The following PRKD1 variants were observed in gnomAD, a reference collection of about 807,000 sequenced individuals.
The protein encoded by PRKD1 is protein kinase D1.
Under a neutral mutation model 95.9 loss-of-function variants are expected in PRKD1, and 63 were observed. The observed-to-expected ratio is 0.66, with a 90% confidence interval of 0.54 to 0.81. The LOEUF is 0.81. Among genes scored for constraint, PRKD1 ranks in the 30% least tolerant of loss-of-function variants. The probability of loss-of-function intolerance (pLI) is 0.00; values close to 1 mark genes in which losing one functional copy is unlikely to be tolerated. For missense variants in PRKD1, 1,048 were observed against 1,165.3 expected (o/e 0.90, Z 1.47); for synonymous variants, 425 against 423.1 (o/e 1.00, Z -0.05).
chr14:29,636,515 A>AT (rs756301118), intron 6 of PRKD1, 21 bp from the exon 7 acceptor site: 36 of 1,611,914 alleles, frequency 2.2e-5, no homozygotes, highest in Non-Finnish European at 5.9e-6. Context: ...ATTTTCACCC[A>AT]TGAAGATAAG....
intron 1 of PRKD1, among the ~76,000 whole-genome samples, chr14:29,812,859 A>C (rs1469056130): frequency 6.6e-6 from 1 of 152,230 alleles, no homozygotes; most frequent in Admixed American, 6.5e-5. Flanking sequence ...CTGTTATCCC[A>C]GCACTTTGGG....
At chr14:29,872,834 G>T (rs560387065) in intron 1 of PRKD1, among the ~76,000 whole-genome samples, 2 of 152,210 alleles carry the variant, frequency 1.3e-5, no homozygotes, top group South Asian at 2.1e-4. Context: ...GTATTTAGAA[G>T]CTGTTATTTA....
chr14:29,678,207 G>A (rs1032696869), intron 2 of PRKD1, among the ~76,000 whole-genome samples: 2 of 151,930 alleles, frequency 1.3e-5, no homozygotes, highest in East Asian at 3.9e-4. Flanking sequence ...ATCATTAATT[G>A]CATGTAGGCT....
intron 2 of PRKD1, among the ~76,000 whole-genome samples, chr14:29,713,617 TG>T (rs1458517691): frequency 1.1e-4 from 17 of 152,184 alleles, no homozygotes; most frequent in Admixed American, 1.1e-3. Context: ...CCATGTATTT[TG>T]GGAAAATATG....
At chr14:29,607,367 A>G (rs1167471906) in intron 13 of PRKD1, among the ~76,000 whole-genome samples, 2 of 152,202 alleles carry the variant, frequency 1.3e-5, no homozygotes, top group African/African-American at 4.8e-5. Flanking sequence ...TCTGTAGGTC[A>G]GAAGTCTGGT....
intron 16 of PRKD1, among the ~76,000 whole-genome samples, chr14:29,587,811 T>C (rs1269480518): frequency 6.6e-6 from 1 of 152,228 alleles, no homozygotes; most frequent in Non-Finnish European, 1.5e-5. Context: ...CTTCTTATTG[T>C]ATAAAATATT....
chr14:29,892,651 CT>C (rs1893979932), intron 1 of PRKD1, among the ~76,000 whole-genome samples: 1 of 152,180 alleles, frequency 6.6e-6, no homozygotes, highest in Non-Finnish European at 1.5e-5. Context: ...CAGGTACACA[CT>C]GGCTTCAGTG....
At chr14:29,788,436 T>A (rs1351087349) in intron 1 of PRKD1, among the ~76,000 whole-genome samples, 1 of 152,224 alleles carries the variant, frequency 6.6e-6, no homozygotes, top group Non-Finnish European at 1.5e-5. Flanking sequence ...ATTTTTGACC[T>A]TCCTTATCTG....
chr14:29,873,975 C>A (rs991813863), intron 1 of PRKD1, among the ~76,000 whole-genome samples: 48 of 152,210 alleles, frequency 3.2e-4, no homozygotes, highest in African/African-American at 1.1e-3. Flanking sequence ...ATTCACAGAT[C>A]AAATCTATGT....
At chr14:29,629,668 T>A (rs1217860195) in intron 10 of PRKD1, among the ~76,000 whole-genome samples, 1 of 152,162 alleles carries the variant, frequency 6.6e-6, no homozygotes, top group Admixed American at 6.5e-5. Flanking sequence ...ATGACTTTTT[T>A]ATAGAAATAT....
chr14:29,608,872 T>C (rs1345173644), intron 13 of PRKD1, among the ~76,000 whole-genome samples: 2 of 152,344 alleles, frequency 1.3e-5, no homozygotes, highest in South Asian at 2.1e-4. Context: ...ATTAATCATC[T>C]TTTGGGGGTA....
intron 1 of PRKD1, among the ~76,000 whole-genome samples, chr14:29,900,640 A>G (rs1421262771): frequency 2.0e-5 from 3 of 152,172 alleles, no homozygotes; most frequent in African/African-American, 7.2e-5. Context: ...CAACAAGCAA[A>G]AAAACAAACA....
chr14:29,847,084 G>C (rs922431363), intron 1 of PRKD1, among the ~76,000 whole-genome samples: 7 of 152,134 alleles, frequency 4.6e-5, no homozygotes, highest in South Asian at 2.1e-4. Flanking sequence ...TGTACTGCAG[G>C]GGGGGTTGTG....
chr14:29,914,295 A>C (rs149736962), intron 1 of PRKD1, among the ~76,000 whole-genome samples: 1 of 152,356 alleles, frequency 6.6e-6, no homozygotes, highest in East Asian at 1.9e-4. Context: ...GAAAACTTCT[A>C]CTTAGCTGGT....
At chr14:29,724,239 A>G (rs1886037285) in intron 2 of PRKD1, among the ~76,000 whole-genome samples, 1 of 152,224 alleles carries the variant, frequency 6.6e-6, no homozygotes, top group Non-Finnish European at 1.5e-5. Context: ...TGCAATTTTA[A>G]AAGTCCTCAT....
At chr14:29,673,239 C>G (rs1001417344) in intron 2 of PRKD1, among the ~76,000 whole-genome samples, 5 of 152,038 alleles carry the variant, frequency 3.3e-5, no homozygotes, top group Admixed American at 2.0e-4. Context: ...CAAAATGGAG[C>G]CTTTATGTAG....
At chr14:29,790,726 T>C (rs532401048) in intron 1 of PRKD1, among the ~76,000 whole-genome samples, 153 of 152,296 alleles carry the variant, frequency 1.0e-3, no homozygotes, top group African/African-American at 3.5e-3. Context: ...ACTATTAGAT[T>C]ATGACGATAT....
At chr14:29,709,518 A>G (rs1453331379) in intron 2 of PRKD1, among the ~76,000 whole-genome samples, 1 of 152,224 alleles carries the variant, frequency 6.6e-6, no homozygotes, top group Non-Finnish European at 1.5e-5. Flanking sequence ...AAGAGAACCA[A>G]TAAGAGAAAT....
Position 29,725,530 on chromosome 14 carries a change from T to C in PRKD1, c.403+6A>G, listed in dbSNP as rs1162441802. 6.2e-7 allele frequency: 1 copy of C among 1,612,582 alleles called. No homozygotes were observed. Among genetic ancestry groups the C allele is most frequent in the Non-Finnish European group, 8.5e-7 (1 of 1,179,138 alleles). The stretch of plus-strand genomic sequence containing the variant: ...CGGATAAAGAAAAGGTATAAAAGTA[T>C]ACTACCTGACAAGACCACTTCAATA... On this transcript the variant is annotated splice_donor_region_variant and intron_variant, in intron 2 of 17. Coordinates refer to ENST00000331968, the MANE Select transcript of PRKD1 (RefSeq NM_002742.3).
Sources: allele counts gnomAD v4.1 joint callset (sites outside exome capture counted in the v4.1 genomes callset), GRCh38; gene constraint gnomAD v4.1.1; transcripts MANE v1.5; gene names NCBI Gene and HGNC (gene_info 2026-07-23, HGNC 2026-07-21).